The following GMEB1 variants were observed in gnomAD, a reference collection of about 807,000 sequenced individuals.
GMEB1 encodes the protein glucocorticoid modulatory element binding protein 1.
A neutral mutation model predicts 52.4 loss-of-function variants in GMEB1; 6 were observed. The ratio of observed to expected loss-of-function variants is 0.11; its 90% CI spans 0.06 to 0.23. The LOEUF (loss-of-function observed/expected upper bound fraction) is 0.23, where lower values mean the gene tolerates loss of function less well. Ranked by LOEUF, GMEB1 falls within the 10% of genes least tolerant of loss-of-function variation. The probability of loss-of-function intolerance (pLI) is 1.00; values close to 1 mark genes in which losing one functional copy is unlikely to be tolerated. For synonymous variants in GMEB1, 255 were observed against 244.9 expected, an observed-to-expected ratio of 1.04 and a Z score of -0.38; for missense variants, 486 against 685.6, an observed-to-expected ratio of 0.71 and a Z score of 3.25.
At chr1:28,675,997 T>C (rs1213629722) in intron 1 of GMEB1, among the ~76,000 whole-genome samples, 1 of 152,134 alleles carries the variant, frequency 6.6e-6, no homozygotes, top group Non-Finnish European at 1.5e-5. Flanking sequence ...ACCCATGACT[T>C]AGAGTGACAT....
chr1:28,685,242 C>T (rs1322786413), intron 2 of GMEB1, among the ~76,000 whole-genome samples: 1 of 150,782 alleles, frequency 6.6e-6, no homozygotes, highest in African/African-American at 2.4e-5. Flanking sequence ...TGGAGTCTCA[C>T]TGTATCGCCC....
chr1:28,679,964 C>T (rs1051470208), intron 1 of GMEB1, among the ~76,000 whole-genome samples: 4 of 152,100 alleles, frequency 2.6e-5, no homozygotes, highest in Non-Finnish European at 5.9e-5. Flanking sequence ...CGCCACCACG[C>T]CTGGCTAATT....
rs1668725787 is a variant in GMEB1, at chr1:28,668,813, T to TCGCCGCC, written c.-52_-46dup. 1 of 139,026 alleles carries TCGCCGCC rather than the reference T, an allele frequency of 7.2e-6. No homozygotes were observed. Among genetic ancestry groups the TCGCCGCC allele is most frequent in the East Asian group, 2.3e-4 (1 of 4,332 alleles). The allele number at this position is 139,026 out of a possible 1,614,324, so 8.6% of individuals were successfully genotyped here. A position where few individuals can be genotyped will look rare whatever the true frequency, so the allele number is the denominator to read the frequency against. The stretch of plus-strand genomic sequence containing the variant: ...TCCGTCGCCTGCCCGCCCTGGCCGC[T>TCGCCGCC]CGCCGCCCGCCCGCCCGACGGAGAC... On this transcript the variant is annotated 5_prime_UTR_variant, in exon 1 of 10. It introduces an in-frame stop codon into an upstream open reading frame of the 5' UTR. Coordinates refer to ENST00000373816, the MANE Select transcript of GMEB1 (RefSeq NM_001319674.2).
intron 8 of GMEB1, 87 bp downstream of exon 8, chr1:28,704,416 T>C (rs887572149): frequency 3.0e-6 from 3 of 991,386 alleles, no homozygotes; most frequent in African/African-American, 3.3e-5. Flanking sequence ...AAAACCCTGA[T>C]GTATAGGTAT....
intron 2 of GMEB1, among the ~76,000 whole-genome samples, chr1:28,684,649 A>G (rs1669555929): frequency 6.6e-6 from 1 of 152,056 alleles, no homozygotes; most frequent in African/African-American, 2.4e-5. Flanking sequence ...ACAGAAAACC[A>G]AACACTGAAT....
chr1:28,702,087 T>TGGGGCTGGCAGGCTAGTA (rs1469929407), intron 6 of GMEB1, among the ~76,000 whole-genome samples: 1 of 152,146 alleles, frequency 6.6e-6, no homozygotes, highest in Non-Finnish European at 1.5e-5. Flanking sequence ...TCAGTAAGTC[T>TGGGGCTGGCAGGCTAGTA]GGGGCTGGCA....
At position 28,687,379 on chromosome 1, in the gene GMEB1, C is replaced by CAAA. The variant is rs1399256461; in HGVS notation, c.129-2724_129-2723insAAA. On this transcript the variant is annotated intron_variant, in intron 2 of 9. Transcript: ENST00000373816. Reference sequence around the variant, plus strand: ...ACACACACACACACACACACACACACACACACACAAAAAAAGACAGTGGAG... The same window carrying CAAA: ...ACACACACACACACACACACACACACAAAACACACACAAAAAAAGACAGTGGAG... Among the ~76,000 whole-genome samples the CAAA allele has an allele frequency of 9.8e-4, 16 of 16,372 alleles. 2 individuals are homozygous for CAAA. Among genetic ancestry groups the CAAA allele is most frequent in the Non-Finnish European group, 2.1e-3 (15 of 7,116 alleles). 10.7% of individuals were successfully genotyped at this position (16,372 alleles called of 152,430 possible).
intron 8 of GMEB1, among the ~76,000 whole-genome samples, chr1:28,709,462 A>G (rs1413517473): frequency 6.6e-6 from 1 of 152,214 alleles, no homozygotes; most frequent in Non-Finnish European, 1.5e-5. Context: ...ATGACTTACC[A>G]AAGGTTGCAC....
rs1390981922 is a variant in GMEB1 at position 28,715,191 on chromosome 1, G to T, written c.*418G>T. 5.8e-6 allele frequency: 1 copy of T among 173,638 alleles called. No individual in the cohort carries two copies. Among genetic ancestry groups the T allele is most frequent in the Non-Finnish European group, 1.3e-5 (1 of 79,650 alleles). 10.8% of individuals were successfully genotyped at this position (173,638 alleles called of 1,614,324 possible). On this transcript the variant is annotated 3_prime_UTR_variant, in exon 10 of 10. Coordinates refer to ENST00000373816, the MANE Select transcript of GMEB1 (RefSeq NM_001319674.2). ...AACCCACTCGCATGTGGATGCTGAA[G>T]GGCACTTTATTTTGTATCCTGAAAA...
chr1:28,707,873 A>T (rs1209174659), intron 8 of GMEB1, among the ~76,000 whole-genome samples: 1 of 152,046 alleles, frequency 6.6e-6, no homozygotes, highest in Non-Finnish European at 1.5e-5. Flanking sequence ...GTCCAGGTTA[A>T]GGAAGCAATT....
At chr1:28,671,824 TA>T (rs1668898544) in intron 1 of GMEB1, among the ~76,000 whole-genome samples, 1 of 151,814 alleles carries the variant, frequency 6.6e-6, no homozygotes, top group Non-Finnish European at 1.5e-5. Context: ...GTGGAATAAA[TA>T]AATATTTTGG....
At chr1:28,671,375 C>T (rs971592518) in intron 1 of GMEB1, among the ~76,000 whole-genome samples, 4 of 152,238 alleles carry the variant, frequency 2.6e-5, no homozygotes, top group Middle Eastern at 3.4e-3. Flanking sequence ...GCTCAGCCTC[C>T]TGAGTAGCTG....
At chr1:28,702,590 G>C (rs562600373) in intron 7 of GMEB1, 21 bp downstream of exon 7, 27 of 1,609,522 alleles carry the variant, frequency 1.7e-5, no homozygotes, top group Non-Finnish European at 2.2e-5. Flanking sequence ...ATAGGGCTCA[G>C]ATGTCTTGCA....
chr1:28,681,073 C>T (rs1452541388), intron 1 of GMEB1, among the ~76,000 whole-genome samples: 1 of 151,922 alleles, frequency 6.6e-6, no homozygotes, highest in Admixed American at 6.6e-5. Context: ...AAACACAATC[C>T]TTGCTTTTCC....
chr1:28,669,110 G>T (rs1668755205), intron 1 of GMEB1, among the ~76,000 whole-genome samples: 1 of 149,492 alleles, frequency 6.7e-6, no homozygotes, highest in Non-Finnish European at 1.5e-5. Flanking sequence ...CCGCGCCGCC[G>T]GGGCTCGGGC....
chr1:28,694,918 T>A (rs1416301626), intron 5 of GMEB1, among the ~76,000 whole-genome samples: 1 of 145,882 alleles, frequency 6.9e-6, no homozygotes, highest in Non-Finnish European at 1.5e-5. Flanking sequence ...CACCTCAGCC[T>A]CCCAAAGTGT....
At chr1:28,713,154 T>C in intron 9 of GMEB1, among the ~76,000 whole-genome samples, 1 of 131,846 alleles carries the variant, frequency 7.6e-6, no homozygotes. Context: ...CGAGACTCCA[T>C]CTCAAAAAAA....
At chr1:28,689,114 T>G (rs1278550657) in intron 2 of GMEB1, among the ~76,000 whole-genome samples, 3 of 151,940 alleles carry the variant, frequency 2.0e-5, no homozygotes, top group Non-Finnish European at 4.4e-5. Context: ...GGTGTCGAAC[T>G]CCACACCTCG....
At chr1:28,687,476 A>G (rs1032155065) in intron 2 of GMEB1, among the ~76,000 whole-genome samples, 1 of 151,852 alleles carries the variant, frequency 6.6e-6, no homozygotes, top group Non-Finnish European at 1.5e-5. Flanking sequence ...GGGAACCACA[A>G]ATAGTTTGGC....
Sources: gnomAD v4.1 joint callset for allele counts (sites outside exome capture counted in the v4.1 genomes callset) on GRCh38, gnomAD v4.1.1 for gene constraint, MANE v1.5 for transcripts, NCBI Gene and HGNC (gene_info 2026-07-23, HGNC 2026-07-21) for gene names.